The following TNRC6B variants were observed in gnomAD, a reference collection of about 807,000 sequenced individuals.
The protein encoded by TNRC6B is trinucleotide repeat-containing gene 6B protein.
In TNRC6B, 52 loss-of-function variants were observed where a neutral mutation model predicts 203.6. The observed-to-expected ratio is 0.26, with a 90% confidence interval of 0.20 to 0.32. TNRC6B has a LOEUF of 0.32. Ranked by LOEUF, TNRC6B falls within the 10% of genes least tolerant of loss-of-function variation. The pLI, the probability that TNRC6B is intolerant of heterozygous loss-of-function variation, is 1.00. For missense variants in TNRC6B, 1,923 were observed against 2,286.2 expected (o/e 0.84, Z 3.24); for synonymous variants, 838 against 845.7 (o/e 0.99, Z 0.16).
intron 15 of TNRC6B, among the ~76,000 whole-genome samples, chr22:40,305,419 C>T (rs1361764593): frequency 6.6e-6 from 1 of 152,146 alleles, no homozygotes; most frequent in Non-Finnish European, 1.5e-5. Flanking sequence ...ACAATACAGT[C>T]AGTATTTTCT....
rs749360514 is a variant in TNRC6B, at chr22:40,265,181, A to G, written c.951A>G (p.Glu317=). The G allele has an allele frequency of 2.2e-5, 35 of 1,613,924 alleles. No homozygotes were observed. Among genetic ancestry groups the G allele is most frequent in the Non-Finnish European group, 1.5e-5 (18 of 1,179,900 alleles). ...NPSAWPALVQ[E]GTSRKGALET... ...CTGCCTGGCCAGCACTGGTCCAAGA[A>G]GGAACTTCTAGGAAAGGGGCATTGG... Residue 317 remains glutamate, a synonymous_variant, in exon 5 of 23, where the codon GAA becomes GAG. Coordinates refer to ENST00000454349, the MANE Select transcript of TNRC6B (RefSeq NM_001162501.2).
chr22:40,281,020 CTTTG>C (rs2070715704), intron 10 of TNRC6B, 95 bp from the exon 11 acceptor site: 1 of 1,054,458 alleles, frequency 9.5e-7, no homozygotes, highest in Admixed American at 2.9e-5. Flanking sequence ...TACACTCTAA[CTTTG>C]TTTATTGCTA....
intron 1 of TNRC6B, among the ~76,000 whole-genome samples, chr22:40,098,205 G>A (rs1324508007): frequency 6.6e-6 from 1 of 151,760 alleles, no homozygotes; most frequent in Non-Finnish European, 1.5e-5. Flanking sequence ...GGCCAACATG[G>A]TGAAACCCCA....
intron 3 of TNRC6B, among the ~76,000 whole-genome samples, chr22:40,128,027 G>A (rs1313236921): frequency 6.6e-6 from 1 of 152,172 alleles, no homozygotes; most frequent in East Asian, 1.9e-4. Context: ...AAAAATAAAT[G>A]ACTAGCTTTC....
At chr22:40,283,904 A>G (rs1343213160) in intron 11 of TNRC6B, among the ~76,000 whole-genome samples, 2 of 152,252 alleles carry the variant, frequency 1.3e-5, no homozygotes, top group Non-Finnish European at 2.9e-5. Flanking sequence ...CAGGAACTTT[A>G]GTTACCAGTA....
intron 3 of TNRC6B, among the ~76,000 whole-genome samples, chr22:40,130,381 GGTAGAGT>G (rs71695398): frequency 0.012 from 1,859 of 152,228 alleles, 39 homozygotes; most frequent in African/African-American, 0.042. Flanking sequence ...CATTGTAGTT[GGTAGAGT>G]GTAGAGTACA....
chr22:40,181,997 G>A (rs1231171491), intron 1 of TNRC6B, among the ~76,000 whole-genome samples: 5 of 150,564 alleles, frequency 3.3e-5, no homozygotes, highest in East Asian at 1.9e-4. Context: ...TGTAATCCCA[G>A]CACTTTGGGA....
At chr22:40,211,167 T>C (rs1569022586) in intron 1 of TNRC6B, among the ~76,000 whole-genome samples, 1 of 152,250 alleles carries the variant, frequency 6.6e-6, no homozygotes, top group Admixed American at 6.5e-5. Context: ...GGCTGGAGTG[T>C]AGTGGCATGC....
chr22:40,178,060 A>AT lies in TNRC6B; in HGVS notation c.-70dup. ...AAAAACAGATAGACAAAAAGAATTC[A>AT]TTTTTTGGACCTTTTTTCATTTCCA... On this transcript the variant is annotated 5_prime_UTR_variant, in exon 1 of 23. Transcript: ENST00000454349. 1 of 1,592,860 alleles carries AT rather than the reference A, an allele frequency of 6.3e-7. No individual in the cohort carries two copies. The highest frequency in any genetic ancestry group is 1.9e-5 in the Admixed American group (1 of 53,748).
At chr22:40,283,823 T>C (rs1369410912) in intron 11 of TNRC6B, among the ~76,000 whole-genome samples, 3 of 152,214 alleles carry the variant, frequency 2.0e-5, no homozygotes, top group African/African-American at 7.2e-5. Flanking sequence ...ATGCTTGTTA[T>C]TAAAGGAGAG....
chr22:40,265,734 A>G lies in TNRC6B; in HGVS notation c.1504A>G (p.Met502Val), dbSNP rs193065497. The G allele has an allele frequency of 4.3e-6, 7 of 1,613,994 alleles. No homozygotes were observed. The African/African-American group carries it at 6.7e-5, about 15-fold the overall frequency. ...NDNKWGEGNK[M>V]TSGVSQGEWK... is the part of the protein sequence containing the mutation. ...CAACAAATGGGGTGAAGGGAACAAAATGACATCTGGGGTCTCTCAGGGAGA... is the reference window on the plus strand; with the variant it reads ...CAACAAATGGGGTGAAGGGAACAAAGTGACATCTGGGGTCTCTCAGGGAGA... The change falls in exon 5 of 23, where the codon ATG becomes GTG. Residue 502 changes from methionine (M) to valine (V), a missense_variant. Coordinates refer to ENST00000454349, the MANE Select transcript of TNRC6B (RefSeq NM_001162501.2).
chr22:40,281,046 T>A (rs1601486178), intron 10 of TNRC6B, 73 bp from the exon 11 acceptor site: 2 of 1,288,118 alleles, frequency 1.6e-6, no homozygotes, highest in East Asian at 5.4e-5. Flanking sequence ...TGTTTCTCTC[T>A]TTTCCCTTCT....
At chr22:40,147,298 C>T (rs2068703978) in intron 3 of TNRC6B, among the ~76,000 whole-genome samples, 1 of 152,032 alleles carries the variant, frequency 6.6e-6, no homozygotes, top group Non-Finnish European at 1.5e-5. Flanking sequence ...CTGGGGGGAG[C>T]AGGGACTGGG....
chr22:40,052,315 A>G (rs1451212251), intron 1 of TNRC6B, among the ~76,000 whole-genome samples: 2 of 152,188 alleles, frequency 1.3e-5, no homozygotes, highest in African/African-American at 4.8e-5. Context: ...TAATATTACA[A>G]TATTTAACAA....
chr22:40,072,624 GA>G (rs2067961070), intron 1 of TNRC6B, among the ~76,000 whole-genome samples: 1 of 152,094 alleles, frequency 6.6e-6, no homozygotes, highest in East Asian at 1.9e-4. Context: ...AGCACTTTGG[GA>G]AGCCCAGGAG....
chr22:40,316,088 C>T lies in TNRC6B; in HGVS notation c.4974+76C>T, dbSNP rs1451519417. Reference sequence around the variant, plus strand: ...GAGAGGGAAAGGTTGGGCATGGTGGCTCATGCCTGTAATCCAAGCACTTTG... The same window carrying T: ...GAGAGGGAAAGGTTGGGCATGGTGGTTCATGCCTGTAATCCAAGCACTTTG... On this transcript the variant is annotated intron_variant, in intron 21 of 22. Transcript: ENST00000454349. 12 of 1,363,858 alleles carry T rather than the reference C, an allele frequency of 8.8e-6. No homozygotes were observed. In the East Asian group the frequency reaches 2.6e-4, roughly 29 times the overall value. 84.5% of individuals were successfully genotyped at this position (1,363,858 alleles called of 1,614,324 possible).
At chr22:40,221,757 C>T (rs1477496699) in intron 1 of TNRC6B, among the ~76,000 whole-genome samples, 3 of 123,924 alleles carry the variant, frequency 2.4e-5, no homozygotes, top group Middle Eastern at 3.8e-3. Flanking sequence ...TATTGCCCCC[C>T]CCCCTTTTTT....
chr22:40,163,057 A>C (rs1057066228), intron 4 of TNRC6B, among the ~76,000 whole-genome samples: 29 of 152,112 alleles, frequency 1.9e-4, no homozygotes, highest in Admixed American at 7.9e-4. Flanking sequence ...AATCGTAATA[A>C]ATTCTGAATT....
At chr22:40,275,435 C>T (rs553031248) in intron 7 of TNRC6B, among the ~76,000 whole-genome samples, 4 of 152,102 alleles carry the variant, frequency 2.6e-5, no homozygotes, top group South Asian at 4.2e-4. Flanking sequence ...CTTTATATAC[C>T]GAGGGCGTTT....
Sources: gnomAD v4.1 joint callset for allele counts (sites outside exome capture counted in the v4.1 genomes callset) on GRCh38, gnomAD v4.1.1 for gene constraint, MANE v1.5 for transcripts, NCBI Gene and HGNC (gene_info 2026-07-23, HGNC 2026-07-21) for gene names.